The following YAP1 variants were observed in gnomAD, a reference collection of about 807,000 sequenced individuals.
YAP1 encodes the protein transcriptional coactivator YAP1.
A neutral mutation model predicts 56.9 loss-of-function variants in YAP1; 5 were observed. The observed-to-expected ratio is 0.09, with a 90% CI of 0.05 to 0.18. The LOEUF is 0.18. Ranked by LOEUF, YAP1 falls within the 10% of genes least tolerant of loss-of-function variation. The pLI is 1.00. For synonymous variants in YAP1, 265 were observed against 248.1 expected, an observed-to-expected ratio of 1.07 and a Z score of -0.64; for missense variants, 539 against 651.8, an observed-to-expected ratio of 0.83 and a Z score of 1.88.
intron 3 of YAP1, among the ~76,000 whole-genome samples, chr11:102,183,451 C>G (rs1471501058): frequency 6.6e-6 from 1 of 151,946 alleles, no homozygotes; most frequent in East Asian, 1.9e-4. Context: ...AAGAGAAACC[C>G]CTGGTGACTG....
chr11:102,116,086 A>T (rs536903015), intron 2 of YAP1, among the ~76,000 whole-genome samples: 3 of 152,258 alleles, frequency 2.0e-5, no homozygotes, highest in East Asian at 1.9e-4. Context: ...TTTTGAGCTG[A>T]AATCAGTATT....
intron 2 of YAP1, among the ~76,000 whole-genome samples, chr11:102,158,829 T>G (rs1273538320): frequency 6.6e-6 from 1 of 152,248 alleles, no homozygotes; most frequent in Non-Finnish European, 1.5e-5. Context: ...ATTTTGATTA[T>G]GTTGTTCAGT....
intron 2 of YAP1, among the ~76,000 whole-genome samples, chr11:102,153,125 A>AT (rs1945758793): frequency 6.6e-6 from 1 of 152,204 alleles, no homozygotes; most frequent in Non-Finnish European, 1.5e-5. Flanking sequence ...TTTCTCTTAG[A>AT]TTTTAATCAC....
intron 4 of YAP1, among the ~76,000 whole-genome samples, chr11:102,198,476 A>G (rs76001245): frequency 1.3e-5 from 2 of 152,218 alleles, no homozygotes; most frequent in Non-Finnish European, 2.9e-5. Context: ...ATGAAAATAT[A>G]ATGGGGAAAG....
chr11:102,169,127 T>C (rs1946759628), intron 3 of YAP1, among the ~76,000 whole-genome samples: 1 of 152,204 alleles, frequency 6.6e-6, no homozygotes, highest in Non-Finnish European at 1.5e-5. Flanking sequence ...AGTTACTGTA[T>C]CTACCTGTAT....
chr11:102,113,082 G>A (rs1026290466), intron 1 of YAP1, among the ~76,000 whole-genome samples: 1 of 152,094 alleles, frequency 6.6e-6, no homozygotes, highest in African/African-American at 2.4e-5. Flanking sequence ...TACTTATTCT[G>A]ATGGGAAACT....
chr11:102,118,235 C>G (rs890647212), intron 2 of YAP1, among the ~76,000 whole-genome samples: 9 of 152,090 alleles, frequency 5.9e-5, no homozygotes, highest in African/African-American at 2.2e-4. Flanking sequence ...CATTGTTTAT[C>G]ATTTTCTGAA....
chr11:102,114,435 A>G (rs1159725120), intron 2 of YAP1, 41 bp downstream of exon 2: 1 of 1,593,174 alleles, frequency 6.3e-7, no homozygotes, highest in East Asian at 2.2e-5. Context: ...TCTAAGACAA[A>G]TATGTATTGG....
chr11:102,137,291 A>G (rs1944728210), intron 2 of YAP1, among the ~76,000 whole-genome samples: 1 of 152,232 alleles, frequency 6.6e-6, no homozygotes, highest in South Asian at 2.1e-4. Context: ...TACTAAGAGA[A>G]TAGGGTATCA....
intron 2 of YAP1, 91 bp downstream of exon 2, chr11:102,114,485 T>G: frequency 2.8e-6 from 4 of 1,412,798 alleles, no homozygotes; most frequent in Non-Finnish European, 3.8e-6. Flanking sequence ...GAATATCATT[T>G]ATTTTTATGT....
chr11:102,195,297 T>C (rs1948516958), intron 4 of YAP1, among the ~76,000 whole-genome samples: 1 of 152,210 alleles, frequency 6.6e-6, no homozygotes, highest in African/African-American at 2.4e-5. Context: ...TTCTTTTAGC[T>C]CCATTCATGA....
chr11:102,147,376 A>T (rs1398854859), intron 2 of YAP1, among the ~76,000 whole-genome samples: 2 of 152,164 alleles, frequency 1.3e-5, no homozygotes, highest in Non-Finnish European at 2.9e-5. Context: ...TATTATAGTA[A>T]ATTTCTACAT....
intron 2 of YAP1, among the ~76,000 whole-genome samples, chr11:102,119,135 T>TG (rs1038578975): frequency 1.3e-4 from 19 of 151,376 alleles, no homozygotes; most frequent in African/African-American, 2.7e-4. Flanking sequence ...CCCTTAGCTC[T>TG]GGGGGGTGGG....
chr11:102,180,916 G>A (rs1373473399), intron 3 of YAP1, among the ~76,000 whole-genome samples: 1 of 152,040 alleles, frequency 6.6e-6, no homozygotes, highest in African/African-American at 2.4e-5. Context: ...GGAGGTCGAG[G>A]TGGGAGGATC....
intron 2 of YAP1, among the ~76,000 whole-genome samples, chr11:102,143,716 G>C (rs1390776434): frequency 6.6e-6 from 1 of 152,218 alleles, no homozygotes; most frequent in South Asian, 2.1e-4. Flanking sequence ...TGTTTTATCT[G>C]AAAACCAGTG....
At chr11:102,152,255 G>C (rs147803624) in intron 2 of YAP1, among the ~76,000 whole-genome samples, 223 of 152,306 alleles carry the variant, frequency 1.5e-3, no homozygotes, top group African/African-American at 5.1e-3. Context: ...CTAATGAAAA[G>C]CTATCTGTAA....
Position 102,230,010 on chromosome 11 carries a change from A to T in YAP1, c.*70A>T. 1.5e-6 allele frequency: 2 copies of T among 1,354,242 alleles called. No individual in the cohort carries two copies. The highest frequency in any genetic ancestry group is 2.1e-6 in the Non-Finnish European group (2 of 960,820). The allele number at this position is 1,354,242 out of a possible 1,614,324, so 83.9% of individuals were successfully genotyped here. A position where few individuals can be genotyped will look rare whatever the true frequency, so the allele number is the denominator to read the frequency against. ...AGACACATGCACCGGAAATTTCCAT[A>T]AGCCAGTTGCAGTTTTCAGGCTAAT... On this transcript the variant is annotated 3_prime_UTR_variant, in exon 9 of 9. Transcript: ENST00000282441.
intron 2 of YAP1, among the ~76,000 whole-genome samples, chr11:102,159,309 C>T (rs1304536157): frequency 2.0e-5 from 3 of 152,198 alleles, no homozygotes; most frequent in Non-Finnish European, 4.4e-5. Context: ...GCAGGAGGGT[C>T]TCCGTTCACA....
chr11:102,138,183 C>A (rs1944795835), intron 2 of YAP1, among the ~76,000 whole-genome samples: 1 of 152,268 alleles, frequency 6.6e-6, no homozygotes, highest in Non-Finnish European at 1.5e-5. Context: ...CTGTGCCCAG[C>A]TGATAGGGAA....
Sources: gnomAD v4.1 joint callset for allele counts (sites outside exome capture counted in the v4.1 genomes callset) on GRCh38, gnomAD v4.1.1 for gene constraint, MANE v1.5 for transcripts, NCBI Gene and HGNC (gene_info 2026-07-23, HGNC 2026-07-21) for gene names.